Variants in CCNI observed in about 807,000 individuals in gnomAD.
CCNI encodes cyclin I.
CCNI carries 14 observed loss-of-function variants against 34.1 expected under a neutral mutation model. The ratio of observed to expected loss-of-function variants is 0.41; its 90% CI spans 0.27 to 0.64. The LOEUF is 0.64. CCNI is among the 30% of genes least tolerant of loss of function. The probability of loss-of-function intolerance (pLI) is 0.31; values close to 1 mark genes in which losing one functional copy is unlikely to be tolerated. For missense variants in CCNI, 385 were observed against 440.5 expected, an observed-to-expected ratio of 0.87 and a Z score of 1.13; for synonymous variants, 154 against 158.4, an observed-to-expected ratio of 0.97 and a Z score of 0.21.
intron 3 of CCNI, among the ~76,000 whole-genome samples, 166 bp downstream of exon 3, chr4:77,058,326 AAAATAAAAATAAAAT>A (rs1728374825): frequency 6.6e-6 from 1 of 152,176 alleles, no homozygotes; most frequent in African/African-American, 2.4e-5. Flanking sequence ...AAACTATCAA[AAAATAAAAATAAAAT>A]AAACAATAGC....
chr4:77,061,120 T>A (rs1463923406), intron 2 of CCNI, among the ~76,000 whole-genome samples: 1 of 152,198 alleles, frequency 6.6e-6, no homozygotes, highest in Non-Finnish European at 1.5e-5. Flanking sequence ...ATAGCCAATG[T>A]TATCATCACT....
chr4:77,072,638 T>TAAAAAAAAAAA (rs61247567), intron 1 of CCNI, among the ~76,000 whole-genome samples: 20 of 101,368 alleles, frequency 2.0e-4, no homozygotes, highest in South Asian at 1.2e-3. Flanking sequence ...CCCAATCTCT[T>TAAAAAAAAAAA]AAAAAAAAAA....
At chr4:77,070,030 T>A (rs1477948716) in intron 1 of CCNI, among the ~76,000 whole-genome samples, 3 of 151,434 alleles carry the variant, frequency 2.0e-5, no homozygotes, top group African/African-American at 7.3e-5. Context: ...TTTTTTTTTT[T>A]TTTTGAGACA....
intron 6 of CCNI, among the ~76,000 whole-genome samples, chr4:77,052,020 A>AT (rs1727885473): frequency 2.0e-5 from 3 of 150,248 alleles, no homozygotes; most frequent in South Asian, 4.2e-4. Flanking sequence ...TATTAACTAG[A>AT]TATATATTGC....
At chr4:77,057,931 A>G (rs1332428707) in intron 3 of CCNI, among the ~76,000 whole-genome samples, 2 of 152,248 alleles carry the variant, frequency 1.3e-5, no homozygotes, top group Admixed American at 6.5e-5. Flanking sequence ...TATTCTGCTG[A>G]TGCTATACGG....
chr4:77,067,531 T>C (rs1306239419), intron 1 of CCNI, among the ~76,000 whole-genome samples: 2 of 152,114 alleles, frequency 1.3e-5, no homozygotes, highest in East Asian at 3.9e-4. Flanking sequence ...TCCCACTCTG[T>C]TGCCCAGGTT....
At position 77,054,216 on chromosome 4, in the gene CCNI, T is replaced by C. The variant is rs1332265098; in HGVS notation, c.690+934A>G. 4.6e-5 allele frequency among the ~76,000 whole-genome samples: 7 copies of C among 152,226 alleles called. No individual in the cohort carries two copies. The East Asian group carries it at 1.3e-3, about 29-fold the overall frequency. ...AGAAAAACACCAAATTCAACTATTA[T>C]GTTTTTCTTTTATAATAATCTAAAT... On this transcript the variant is annotated intron_variant, in intron 6 of 6. Coordinates refer to ENST00000237654, the MANE Select transcript of CCNI (RefSeq NM_006835.3).
chr4:77,053,105 C>T (rs565006624), intron 6 of CCNI, among the ~76,000 whole-genome samples: 1 of 152,298 alleles, frequency 6.6e-6, no homozygotes, highest in African/African-American at 2.4e-5. Flanking sequence ...AGGGAAAACG[C>T]TATGTTGAGT....
At chr4:77,073,394 A>G (rs1327498131) in intron 1 of CCNI, among the ~76,000 whole-genome samples, 1 of 152,240 alleles carries the variant, frequency 6.6e-6, no homozygotes, top group Non-Finnish European at 1.5e-5. Context: ...GGTATACAAT[A>G]TAAACAACTT....
At chr4:77,067,466 G>C (rs983441769) in intron 1 of CCNI, among the ~76,000 whole-genome samples, 2 of 152,014 alleles carry the variant, frequency 1.3e-5, no homozygotes, top group African/African-American at 4.8e-5. Flanking sequence ...AGACAACATA[G>C]AGTCCAAGAG....
chr4:77,058,131 G>A (rs1370039064), intron 3 of CCNI, among the ~76,000 whole-genome samples: 1 of 152,190 alleles, frequency 6.6e-6, no homozygotes, highest in Non-Finnish European at 1.5e-5. Context: ...AAGGCAGGCT[G>A]ATGACTTGAC....
In CCNI at chr4:77,060,094, T is replaced by C. The variant is rs552302328; in HGVS notation, c.115-1459A>G. ...TCAGTTAGAGATACAATGTGGGGTA[T>C]GGGAGAAAAAAAAAAATCCCTGAAT... On this transcript the variant is annotated intron_variant, in intron 2 of 6. Coordinates refer to ENST00000237654, the MANE Select transcript of CCNI (RefSeq NM_006835.3). 2.3e-5 allele frequency among the ~76,000 whole-genome samples: 3 copies of C among 127,778 alleles called. No individual in the cohort carries two copies. In the East Asian group the frequency reaches 7.5e-4, roughly 32 times the overall value. 83.8% of individuals were successfully genotyped at this position (127,778 alleles called of 152,430 possible).
intron 1 of CCNI, among the ~76,000 whole-genome samples, chr4:77,072,796 T>TA (rs1729586301): frequency 6.6e-6 from 1 of 152,210 alleles, no homozygotes; most frequent in Non-Finnish European, 1.5e-5. Context: ...TATCAAATGC[T>TA]AAATTTACCA....
chr4:77,054,184 CT>C (rs557283929), intron 6 of CCNI, among the ~76,000 whole-genome samples: 47 of 152,266 alleles, frequency 3.1e-4, no homozygotes, highest in African/African-American at 1.1e-3. Flanking sequence ...TCAATTATAA[CT>C]TTCTTAGAAA....
chr4:77,066,363 G>C lies in CCNI; in HGVS notation c.-1C>G, dbSNP rs756448581. 3 of 1,613,824 alleles carry C rather than the reference G, an allele frequency of 1.9e-6. No individual in the cohort carries two copies. The Admixed American group carries it at 5.0e-5, about 27-fold the overall frequency. On this transcript the variant is annotated 5_prime_UTR_variant, in exon 2 of 7. It adds an upstream start codon to the 5' untranslated region. Transcript: ENST00000237654. ...TTTCCAAAGGCCCTGGAAACTTCAT[G>C]ATATCCTTTGGATCTGCCTGCTACC...
intron 2 of CCNI, chr4:77,064,620 CACA>C (rs1214952023): frequency 6.7e-6 from 1 of 149,378 alleles, no homozygotes; most frequent in African/African-American, 2.5e-5. Flanking sequence ...CACACACACA[CACA>C]AAATATCACA....
chr4:77,062,090 G>A (rs770700913), intron 2 of CCNI, among the ~76,000 whole-genome samples: 5 of 151,490 alleles, frequency 3.3e-5, no homozygotes, highest in Admixed American at 6.6e-5. Context: ...CTGCTCCTTT[G>A]TTCATATTGC....
chr4:77,068,454 C>G (rs1028290189), intron 1 of CCNI, among the ~76,000 whole-genome samples: 3 of 152,064 alleles, frequency 2.0e-5, no homozygotes, highest in Non-Finnish European at 2.9e-5. Flanking sequence ...ATAAATATCT[C>G]AAACTGAAAT....
At chr4:77,050,350 G>C (rs1437174898) in intron 6 of CCNI, among the ~76,000 whole-genome samples, 1 of 152,014 alleles carries the variant, frequency 6.6e-6, no homozygotes, top group African/African-American at 2.4e-5. Flanking sequence ...ATGACTGTTT[G>C]CAATACCACA....
Sources: gnomAD v4.1 joint callset for allele counts (sites outside exome capture counted in the v4.1 genomes callset) on GRCh38, gnomAD v4.1.1 for gene constraint, MANE v1.5 for transcripts, NCBI Gene and HGNC (gene_info 2026-07-23, HGNC 2026-07-21) for gene names.